PRKCE: variants seen among roughly 807,000 people sequenced by gnomAD.
PRKCE encodes protein kinase C epsilon type.
A neutral mutation model predicts 85.4 loss-of-function variants in PRKCE; 16 were observed. That is an observed-to-expected ratio of 0.19 (90% confidence interval 0.13 to 0.28). The LOEUF (loss-of-function observed/expected upper bound fraction) is 0.28. Among genes scored for constraint, PRKCE ranks in the 10% least tolerant of loss-of-function variants. The pLI is 1.00. For missense variants in PRKCE, 573 were observed against 975.2 expected, an observed-to-expected ratio of 0.59 and a Z score of 5.49; for synonymous variants, 388 against 371.5, an observed-to-expected ratio of 1.04 and a Z score of -0.51.
chr2:45,669,886 C>T (rs1376539275), intron 1 of PRKCE, among the ~76,000 whole-genome samples: 3 of 152,102 alleles, frequency 2.0e-5, no homozygotes, highest in African/African-American at 7.2e-5. Context: ...AGGCAGGTGC[C>T]AGTAATCCCA....
chr2:46,091,223 C>G (rs2103958407), intron 11 of PRKCE, among the ~76,000 whole-genome samples: 1 of 152,264 alleles, frequency 6.6e-6, no homozygotes, highest in East Asian at 1.9e-4. Context: ...TTCCACTTTT[C>G]CTAATTATGG....
rs1344267110 is a variant in PRKCE at position 45,697,777 on chromosome 2, C to T, written c.348+45329C>T. On this transcript the variant is annotated intron_variant, in intron 1 of 14. Transcript: ENST00000306156. This position sits in a 1 kb window ranked among gnomAD's most constrained non-coding sequence, Gnocchi z 4.2. ...TTTCCAGACTGAAAGGACAGACTAC[C>T]TCTGCTGACCACCCCAATTTCCAGC... is the stretch of plus-strand genomic sequence containing the variant. 1.3e-5 allele frequency among the ~76,000 whole-genome samples: 2 copies of T among 152,230 alleles called. No homozygotes were observed. The highest frequency in any genetic ancestry group is 2.4e-5 in the African/African-American group (1 of 41,460).
chr2:45,783,115 T>C (rs543458456), intron 1 of PRKCE, among the ~76,000 whole-genome samples: 3 of 152,314 alleles, frequency 2.0e-5, no homozygotes, highest in African/African-American at 7.2e-5. Flanking sequence ...CCCAGGCTGG[T>C]GCTTGGCAGA....
intron 13 of PRKCE, 45 bp downstream of exon 13, chr2:46,151,274 T>TC: frequency 1.7e-6 from 2 of 1,190,790 alleles, no homozygotes; most frequent in Admixed American, 2.1e-5. Context: ...CCTGGGCTCC[T>TC]CCCCCTACAC....
intron 10 of PRKCE, among the ~76,000 whole-genome samples, chr2:46,082,543 T>G (rs1669189295): frequency 6.6e-6 from 1 of 151,934 alleles, no homozygotes; most frequent in South Asian, 2.1e-4. Context: ...GTTGGATGAG[T>G]GGTCCGGAGC....
Position 45,672,710 on chromosome 2 carries a change from A to G in PRKCE, c.348+20262A>G, listed in dbSNP as rs141556013. On this transcript the variant is annotated intron_variant, in intron 1 of 14. Coordinates refer to ENST00000306156, the MANE Select transcript of PRKCE (RefSeq NM_005400.3). ...GTCTGTCCCTCAGTGGCTGGTCTTT[A>G]CATGTCAAGAGGATGGTAAAAACTG... 2.4e-4 allele frequency among the ~76,000 whole-genome samples: 37 copies of G among 152,298 alleles called. No individual in the cohort carries two copies. The East Asian group carries it at 6.2e-3, about 25-fold the overall frequency.
intron 2 of PRKCE, among the ~76,000 whole-genome samples, chr2:45,965,600 A>G (rs1248524415): frequency 6.6e-6 from 1 of 152,234 alleles, no homozygotes; most frequent in Non-Finnish European, 1.5e-5. Flanking sequence ...AGACCTGTCT[A>G]TTAAGGACCA....
intron 1 of PRKCE, among the ~76,000 whole-genome samples, chr2:45,797,927 T>C (rs961209782): frequency 2.0e-5 from 3 of 152,212 alleles, no homozygotes; most frequent in African/African-American, 7.2e-5. Flanking sequence ...ATTGCCAACA[T>C]AACAAAACAG....
At chr2:46,010,720 G>C (rs1262575935) in intron 10 of PRKCE, 2 of 1,598,424 alleles carry the variant, frequency 1.3e-6, no homozygotes, top group Admixed American at 1.7e-5. Context: ...TGCTTGTGAA[G>C]GGATGAGAGA....
chr2:45,880,351 T>C (rs1694789819), intron 2 of PRKCE, among the ~76,000 whole-genome samples: 1 of 152,208 alleles, frequency 6.6e-6, no homozygotes, highest in Non-Finnish European at 1.5e-5. Context: ...CAGATATCTC[T>C]TTGATATAAT....
intron 1 of PRKCE, among the ~76,000 whole-genome samples, chr2:45,714,501 G>C (rs1320070117): frequency 6.6e-6 from 1 of 152,222 alleles, no homozygotes; most frequent in Non-Finnish European, 1.5e-5. Context: ...ACACATCTCA[G>C]GATACAGAAT....
chr2:46,165,468 G>C (rs1247943883), intron 14 of PRKCE, among the ~76,000 whole-genome samples: 1 of 152,236 alleles, frequency 6.6e-6, no homozygotes, highest in Non-Finnish European at 1.5e-5. Context: ...TGGGGAGACA[G>C]GAAAGCCAGC....
chr2:45,935,552 C>G (rs1396904970), intron 2 of PRKCE, among the ~76,000 whole-genome samples: 1 of 152,124 alleles, frequency 6.6e-6, no homozygotes, highest in Non-Finnish European at 1.5e-5. Flanking sequence ...TTTGGGAGGC[C>G]AAGGCAGGTG....
chr2:45,995,534 G>A (rs781331904), intron 6 of PRKCE, among the ~76,000 whole-genome samples: 13 of 152,134 alleles, frequency 8.5e-5, no homozygotes, highest in African/African-American at 2.2e-4. Flanking sequence ...TGTGAAGATC[G>A]TAAGGTTTGT....
intron 10 of PRKCE, among the ~76,000 whole-genome samples, chr2:46,012,765 A>G (rs1705794266): frequency 6.6e-6 from 1 of 152,234 alleles, no homozygotes; most frequent in Non-Finnish European, 1.5e-5. Flanking sequence ...CTTCAATGTC[A>G]GCAGTGTTCT....
intron 5 of PRKCE, among the ~76,000 whole-genome samples, chr2:45,983,423 C>G (rs551954968): frequency 2.0e-5 from 3 of 152,092 alleles, no homozygotes; most frequent in African/African-American, 7.2e-5. Flanking sequence ...GGTCTCCTGC[C>G]GATACTGAGA....
chr2:45,979,612 C>T (rs568785886), intron 4 of PRKCE, among the ~76,000 whole-genome samples: 4 of 152,282 alleles, frequency 2.6e-5, no homozygotes, highest in African/African-American at 4.8e-5. Flanking sequence ...GGTGGTTTTG[C>T]TGAGGTTAGA....
chr2:46,065,877 C>T (rs907370110), intron 10 of PRKCE, among the ~76,000 whole-genome samples: 3 of 152,290 alleles, frequency 2.0e-5, no homozygotes, highest in African/African-American at 7.2e-5. Context: ...TAGCTGATGG[C>T]ACGGTCTCTT....
intron 2 of PRKCE, among the ~76,000 whole-genome samples, chr2:45,943,726 G>C (rs1356883081): frequency 6.6e-6 from 1 of 152,182 alleles, no homozygotes; most frequent in Non-Finnish European, 1.5e-5. Flanking sequence ...ACACGTCTTA[G>C]CAGAAACCAA....
Sources: allele counts gnomAD v4.1 joint callset (sites outside exome capture counted in the v4.1 genomes callset), GRCh38; gene constraint gnomAD v4.1.1; non-coding constraint Gnocchi (gnomAD v3.1); transcripts MANE v1.5; gene names NCBI Gene and HGNC (gene_info 2026-07-23, HGNC 2026-07-21).